The following INPP5A variants were observed in gnomAD, a reference collection of about 807,000 sequenced individuals.
The protein encoded by INPP5A is 43 kDa inositol polyphosphate 5-phophatase.
In INPP5A, 14 loss-of-function variants were observed where a neutral mutation model predicts 65.2. That is an observed-to-expected ratio of 0.21 (90% CI 0.14 to 0.34). The LOEUF (loss-of-function observed/expected upper bound fraction) is 0.34. Among genes scored for constraint, INPP5A ranks in the 10% least tolerant of loss-of-function variants. The probability of loss-of-function intolerance (pLI) is 1.00; values close to 1 mark genes in which losing one functional copy is unlikely to be tolerated. For missense variants in INPP5A, 431 were observed against 545.6 expected (o/e 0.79, Z 2.09); for synonymous variants, 207 against 208.3 (o/e 0.99, Z 0.05).
At position 132,555,152 on chromosome 10, in the gene INPP5A, C is replaced by T. The variant is rs1466481262; in HGVS notation, c.75+16981C>T. On this transcript the variant is annotated intron_variant, in intron 1 of 15. Transcript: ENST00000368594. The surrounding 1 kb of genome is among the most constrained non-coding windows in gnomAD (Gnocchi z 4.4). ...TGTGGCTGGCGTGGTTAGTGGGTGG[C>T]ATAGATGGCATGGTGGGGTGGGGGG... Among the ~76,000 whole-genome samples the T allele has an allele frequency of 6.7e-6, 1 of 150,110 alleles. No homozygotes were observed. The highest frequency in any genetic ancestry group is 1.5e-5 in the Non-Finnish European group (1 of 67,616).
chr10:132,732,254 T>C (rs528703504), intron 9 of INPP5A, among the ~76,000 whole-genome samples: 2 of 152,286 alleles, frequency 1.3e-5, no homozygotes, highest in Non-Finnish European at 2.9e-5. Context: ...TGAATAGTTT[T>C]AAACTGGATT....
At position 132,706,342 on chromosome 10, in the gene INPP5A, G is replaced by A. The variant is rs1193306657; in HGVS notation, c.475-1971G>A. Among the ~76,000 whole-genome samples the A allele has an allele frequency of 2.6e-5, 4 of 152,212 alleles. No homozygotes were observed. Among genetic ancestry groups the A allele is most frequent in the East Asian group, 3.8e-4 (2 of 5,202 alleles). The stretch of plus-strand genomic sequence containing the variant: ...AGTGGAGCAGTGTTGGAAGTGATAA[G>A]GGGAAATTCTTAAAAATTTAATTCC... On this transcript the variant is annotated intron_variant, in intron 6 of 15. Coordinates refer to ENST00000368594, the MANE Select transcript of INPP5A (RefSeq NM_005539.5). The surrounding 1 kb of genome is among the most constrained non-coding windows in gnomAD (Gnocchi z 4.7).
rs914775869 is a variant in INPP5A, at chr10:132,547,740, G to A, written c.75+9569G>A. ...GGCAAGCAGGGTTTTCCTCCTTCAC[G>A]GGACAGCCCGCGTGCCCCCAGCCCT... On this transcript the variant is annotated intron_variant, in intron 1 of 15. Transcript: ENST00000368594. The surrounding 1 kb of genome is among the most constrained non-coding windows in gnomAD (Gnocchi z 5.5). Among the ~76,000 whole-genome samples, 2 of 151,920 alleles carry A rather than the reference G, an allele frequency of 1.3e-5. No homozygotes were observed. The highest frequency in any genetic ancestry group is 3.9e-4 in the East Asian group (2 of 5,156).
At chr10:132,725,271 C>T (rs1204067407) in intron 8 of INPP5A, among the ~76,000 whole-genome samples, 1 of 152,224 alleles carries the variant, frequency 6.6e-6, no homozygotes, top group Non-Finnish European at 1.5e-5. Context: ...GTGATGGTTC[C>T]ACCCGCACTC....
chr10:132,668,738 C>A, intron 4 of INPP5A, among the ~76,000 whole-genome samples: 1 of 152,294 alleles, frequency 6.6e-6, no homozygotes, highest in South Asian at 2.1e-4. Flanking sequence ...TAAAAGCTTG[C>A]GGCCCACTTC....
chr10:132,750,114 C>T (rs887183062), intron 11 of INPP5A, among the ~76,000 whole-genome samples: 4 of 152,220 alleles, frequency 2.6e-5, no homozygotes, highest in Non-Finnish European at 2.9e-5. Context: ...CCCCCGTGTG[C>T]GAGGGGAGAC....
At chr10:132,726,019 A>G (rs1394191192) in intron 8 of INPP5A, among the ~76,000 whole-genome samples, 1 of 151,936 alleles carries the variant, frequency 6.6e-6, no homozygotes, top group African/African-American at 2.4e-5. Flanking sequence ...TCACGGCGTT[A>G]CTGACTGGAG....
intron 5 of INPP5A, among the ~76,000 whole-genome samples, chr10:132,694,070 G>A (rs1845309569): frequency 6.6e-6 from 1 of 152,180 alleles, no homozygotes; most frequent in African/African-American, 2.4e-5. Context: ...AGTAACAGCA[G>A]AATCTACGTT....
intron 4 of INPP5A, among the ~76,000 whole-genome samples, chr10:132,680,654 TGTG>T (rs2073030347): frequency 6.6e-6 from 1 of 152,018 alleles, no homozygotes; most frequent in South Asian, 2.1e-4. Context: ...TGTAGGGAGG[TGTG>T]GAGGGAGAGG....
At chr10:132,721,515 G>GGC (rs1845880259) in intron 8 of INPP5A, among the ~76,000 whole-genome samples, 1 of 113,710 alleles carries the variant, frequency 8.8e-6, no homozygotes, top group African/African-American at 3.4e-5. Context: ...TCTGTCTGGG[G>GGC]GCCTTAGACG....
chr10:132,750,944 G>A (rs1005723770), intron 11 of INPP5A, among the ~76,000 whole-genome samples: 1 of 152,228 alleles, frequency 6.6e-6, no homozygotes, highest in Non-Finnish European at 1.5e-5. Context: ...CCAGGTGTCT[G>A]TGTGTCAGTT....
At chr10:132,688,076 G>A (rs1235405299) in intron 4 of INPP5A, among the ~76,000 whole-genome samples, 1 of 152,190 alleles carries the variant, frequency 6.6e-6, no homozygotes, top group African/African-American at 2.4e-5. Context: ...CTAGGAGCAG[G>A]AGCTGCACAG....
intron 5 of INPP5A, among the ~76,000 whole-genome samples, chr10:132,696,392 G>A (rs571101057): frequency 2.6e-5 from 4 of 152,222 alleles, no homozygotes; most frequent in Non-Finnish European, 5.9e-5. Flanking sequence ...CAGAGTCAGA[G>A]CCTGCACTTC....
chr10:132,739,311 C>T (rs1159847206), intron 9 of INPP5A, among the ~76,000 whole-genome samples: 2 of 152,368 alleles, frequency 1.3e-5, no homozygotes, highest in South Asian at 4.1e-4. Flanking sequence ...GCCTCCCGGC[C>T]TCACCACACA....
intron 4 of INPP5A, among the ~76,000 whole-genome samples, chr10:132,682,330 G>A (rs1049039321): frequency 3.3e-5 from 5 of 152,222 alleles, no homozygotes; most frequent in Admixed American, 3.3e-4. Flanking sequence ...GGGTGCAGAC[G>A]TTCGTTAGGC....
intron 2 of INPP5A, among the ~76,000 whole-genome samples, chr10:132,640,739 T>G (rs2072416904): frequency 6.6e-6 from 1 of 152,238 alleles, no homozygotes; most frequent in African/African-American, 2.4e-5. Flanking sequence ...TAGTGCCTTT[T>G]AGTTGATGCG....
chr10:132,750,814 G>A (rs553339820), intron 11 of INPP5A, among the ~76,000 whole-genome samples: 1 of 152,222 alleles, frequency 6.6e-6, no homozygotes, highest in African/African-American at 2.4e-5. Context: ...GCTGCGTCAG[G>A]GCAGGTGGCC....
chr10:132,753,762 T>C lies in INPP5A; in HGVS notation c.903+3917T>C, dbSNP rs1281761141. On this transcript the variant is annotated intron_variant, in intron 11 of 15. Coordinates refer to ENST00000368594, the MANE Select transcript of INPP5A (RefSeq NM_005539.5). The surrounding 1 kb of genome is among the most constrained non-coding windows in gnomAD (Gnocchi z 5.3). ...GGTGCATTGATTTTCTGGGCCTCTT[T>C]CCTTTATCAGCGCCAGTGTCTCTGC... The C allele has an allele frequency of 2.6e-5, 4 of 152,130 alleles. No individual in the cohort carries two copies. The highest frequency in any genetic ancestry group is 1.3e-4 in the Admixed American group (2 of 15,280). 9.4% of individuals were successfully genotyped at this position (152,130 alleles called of 1,614,324 possible).
At position 132,538,086 on chromosome 10, in the gene INPP5A, G is replaced by A. The variant is rs752908045; in HGVS notation, c.-11G>A. ...CGCCGCCCAGCCCAGCGCCCGCGCC[G>A]CCCGGGCACCATGGCGGGGAAGGCG... On this transcript the variant is annotated 5_prime_UTR_variant, in exon 1 of 16. Coordinates refer to ENST00000368594, the MANE Select transcript of INPP5A (RefSeq NM_005539.5). This position sits in a 1 kb window ranked among gnomAD's most constrained non-coding sequence, Gnocchi z 4.1. 1.7e-6 allele frequency: 2 copies of A among 1,171,772 alleles called. No homozygotes were observed. Among genetic ancestry groups the A allele is most frequent in the South Asian group, 4.2e-5 (1 of 24,092 alleles). The allele number at this position is 1,171,772 out of a possible 1,614,324, so 72.6% of individuals were successfully genotyped here.
Sources: gnomAD v4.1 joint callset for allele counts (sites outside exome capture counted in the v4.1 genomes callset) on GRCh38, gnomAD v4.1.1 for gene constraint, Gnocchi (gnomAD v3.1) non-coding constraint, MANE v1.5 for transcripts, NCBI Gene and HGNC (gene_info 2026-07-23, HGNC 2026-07-21) for gene names.